PAPLN: variants seen among roughly 807,000 people sequenced by gnomAD.
PAPLN encodes papilin.
A neutral mutation model predicts 159.0 loss-of-function variants in PAPLN; 146 were observed. That is an observed-to-expected ratio of 0.92 (90% CI 0.80 to 1.05). The LOEUF (loss-of-function observed/expected upper bound fraction) is 1.05, where lower values mean the gene tolerates loss of function less well. Ranked by LOEUF, PAPLN falls within the 50% of genes least tolerant of loss-of-function variation. The pLI is 0.00. For synonymous variants in PAPLN, 734 were observed against 702.9 expected (o/e 1.04, Z -0.70); for missense variants, 1,720 against 1,743.9 (o/e 0.99, Z 0.24).
chr14:73,249,024 G>A (rs1451061776), intron 5 of PAPLN, among the ~76,000 whole-genome samples: 1 of 152,050 alleles, frequency 6.6e-6, no homozygotes, highest in Non-Finnish European at 1.5e-5. Flanking sequence ...CCAACTATTC[G>A]AGAGACTGAG....
rs1271453405 is a variant in PAPLN, at chr14:73,241,720, C to T, written c.54+1888C>T. On this transcript the variant is annotated intron_variant, in intron 2 of 26. Coordinates refer to ENST00000644200, the MANE Select transcript of PAPLN (RefSeq NM_001365906.3). The stretch of plus-strand genomic sequence containing the variant: ...TTGCTGGGGCAGGAACCACCCAGTC[C>T]GAGCACCTTCTCTGGATCACTTATG... Among the ~76,000 whole-genome samples the T allele has an allele frequency of 7.9e-5, 12 of 152,260 alleles. No homozygotes were observed. In the South Asian group the frequency reaches 8.3e-4, roughly 11 times the overall value.
At chr14:73,263,493 T>G (rs1886812496) in intron 19 of PAPLN, 152 bp from the exon 20 acceptor site, 1 of 950,048 alleles carries the variant, frequency 1.1e-6, no homozygotes, top group African/African-American at 1.6e-5. Flanking sequence ...TCCATGGGCT[T>G]CTGGGGCTCT....
At chr14:73,261,336 C>T in intron 18 of PAPLN, 42 bp downstream of exon 18, 3 of 1,597,256 alleles carry the variant, frequency 1.9e-6, no homozygotes, top group South Asian at 1.1e-5. Flanking sequence ...TGGGTAGACT[C>T]TGCTCCCACC....
At chr14:73,260,460 A>G (rs891995031) in intron 16 of PAPLN, among the ~76,000 whole-genome samples, 2 of 152,156 alleles carry the variant, frequency 1.3e-5, no homozygotes, top group African/African-American at 4.8e-5. Context: ...AGGCTCTGCC[A>G]GTTATGAGGG....
In PAPLN at chr14:73,239,783, G is replaced by T; in HGVS notation, c.5G>T (p.Arg2Leu). 1 of 1,593,068 alleles carries T rather than the reference G, an allele frequency of 6.3e-7. No individual in the cohort carries two copies. The highest frequency in any genetic ancestry group is 2.2e-5 in the East Asian group (1 of 44,552). The change falls in exon 2 of 27, where the codon CGG becomes CTG. Residue 2 changes from arginine to leucine, a missense_variant. By Grantham distance (102) the Arg-to-Leu change is moderately radical (BLOSUM62 -2). Coordinates refer to ENST00000644200, the MANE Select transcript of PAPLN (RefSeq NM_001365906.3). The stretch of plus-strand genomic sequence containing the variant: ...ATGCGTCTCCCGCAGGCTGAGATGC[G>T]GCTGCTCCTGCTCGTGCCGCTGCTG... M[R>L]LLLLVPLLLA...
chr14:73,268,673 AG>A lies in PAPLN; in HGVS notation c.3621del (p.Ser1208AlafsTer10). 1 of 1,613,744 alleles carries A rather than the reference AG, an allele frequency of 6.2e-7. No homozygotes were observed. Among genetic ancestry groups the A allele is most frequent in the Non-Finnish European group, 8.5e-7 (1 of 1,179,868 alleles). On this transcript the variant is annotated frameshift_variant, in exon 26 of 27. Transcript: ENST00000644200. LOFTEE classifies it high-confidence loss of function. ...DEGSYTCSAY[Q>X]GSQAVSRSTE... The stretch of plus-strand genomic sequence containing the variant: ...GGCTCCTACACGTGCAGTGCCTACC[AG>A]GGGAGCCAGGCAGTCAGCCGCAGCA...
At chr14:73,255,127 C>G in intron 14 of PAPLN, 109 bp downstream of exon 14, 1 of 1,406,230 alleles carries the variant, frequency 7.1e-7, no homozygotes, top group Non-Finnish European at 9.6e-7. Context: ...TGTGTCATCC[C>G]TCTGGACCCC....
chr14:73,253,731 T>C (rs758817368), intron 11 of PAPLN, 23 bp from the exon 12 acceptor site: 1 of 1,576,052 alleles, frequency 6.3e-7, no homozygotes, highest in East Asian at 2.3e-5. Context: ...GGGCCAGCCT[T>C]ACCTGATTCC....
chr14:73,268,827 G>T, intron 26 of PAPLN, 104 bp downstream of exon 26: 1 of 1,330,992 alleles, frequency 7.5e-7, no homozygotes, highest in Non-Finnish European at 9.9e-7. Flanking sequence ...TTGAATCCTG[G>T]CTCACCCTGC....
chr14:73,265,548 A>G lies in PAPLN; in HGVS notation c.3263+41A>G, dbSNP rs757279359. The G allele has an allele frequency of 1.2e-6, 2 of 1,602,778 alleles. No individual in the cohort carries two copies. Among genetic ancestry groups the G allele is most frequent in the South Asian group, 2.2e-5 (2 of 89,122 alleles). ...CTCCCCTTCCTCCTATTCTGCCTCC[A>G]GCCCCACCTTATCCTATGGAGGCCA... On this transcript the variant is annotated intron_variant, in intron 23 of 26. Coordinates refer to ENST00000644200, the MANE Select transcript of PAPLN (RefSeq NM_001365906.3). The surrounding 1 kb of genome is among the most constrained non-coding windows in gnomAD (Gnocchi z 4.1).
intron 11 of PAPLN, chr14:73,253,108 G>A (rs1256056591): frequency 7.2e-6 from 10 of 1,397,020 alleles, no homozygotes; most frequent in African/African-American, 2.9e-5. Flanking sequence ...GTGGGCCAGG[G>A]GTCAGGCCAA....
rs1167699475 is a variant in PAPLN, at chr14:73,259,573, T to TC, written c.1985+33dup. Reference sequence around the variant, plus strand: ...GGGTGCTGGAGACAGGTCTTCCTCCTCCCCCGTCAAAGAGGGAAGGTGGGA... The same window carrying TC: ...GGGTGCTGGAGACAGGTCTTCCTCCTCCCCCCGTCAAAGAGGGAAGGTGGGA... On this transcript the variant is annotated intron_variant, in intron 16 of 26. Coordinates refer to ENST00000644200, the MANE Select transcript of PAPLN (RefSeq NM_001365906.3). 2.7e-6 allele frequency: 4 copies of TC among 1,475,534 alleles called. No homozygotes were observed. The East Asian group carries it at 7.5e-5, about 28-fold the overall frequency. The allele number at this position is 1,475,534 out of a possible 1,614,324, so 91.4% of individuals were successfully genotyped here. A position where few individuals can be genotyped will look rare whatever the true frequency, so the allele number is the denominator to read the frequency against.
chr14:73,242,147 G>A (rs1883626711), intron 2 of PAPLN, among the ~76,000 whole-genome samples: 1 of 152,260 alleles, frequency 6.6e-6, no homozygotes, highest in South Asian at 2.1e-4. Flanking sequence ...TGTGGAGTGT[G>A]TGGACAGAGC....
intron 2 of PAPLN, 80 bp from the exon 3 acceptor site, chr14:73,244,564 T>A (rs1186879134): frequency 5.6e-6 from 7 of 1,246,548 alleles, no homozygotes; most frequent in Non-Finnish European, 6.9e-6. Flanking sequence ...GGGGAGGGTT[T>A]TAGGCAGAGC....
chr14:73,251,300 C>T (rs970632328), intron 7 of PAPLN, among the ~76,000 whole-genome samples, 186 bp from the exon 8 acceptor site: 2 of 152,154 alleles, frequency 1.3e-5, no homozygotes, highest in Non-Finnish European at 2.9e-5. Context: ...TGAGCCTTCC[C>T]GCCACCCTGG....
chr14:73,258,066 T>C (rs1040858357), intron 14 of PAPLN, among the ~76,000 whole-genome samples: 5 of 152,190 alleles, frequency 3.3e-5, no homozygotes, highest in Middle Eastern at 3.2e-3. Flanking sequence ...CTTCGCTCAT[T>C]ATCTAGTGTC....
In PAPLN at chr14:73,262,509, G is replaced by A. The variant is rs1291705061; in HGVS notation, c.2405G>A (p.Ser802Asn). ...TTTGCCTCGGAGCAAGAGTGCATGA[G>A]CAGCTGCCAGGGATCTCTCCATGGG... ...NNFASEQECMSSCQGSLHGPR... is the reference protein window; with the variant it reads ...NNFASEQECMNSCQGSLHGPR... The change falls in exon 19 of 27, where the codon AGC becomes AAC. Residue 802 changes from serine to asparagine, a missense_variant. Physicochemically the swap from Ser to Asn is conservative, Grantham distance 46. Transcript: ENST00000644200. 1 of 1,583,280 alleles carries A rather than the reference G, an allele frequency of 6.3e-7. No homozygotes were observed. Among genetic ancestry groups the A allele is most frequent in the Admixed American group, 1.8e-5 (1 of 54,674 alleles).
At chr14:73,253,641 T>C (rs1885559438) in intron 11 of PAPLN, 113 bp from the exon 12 acceptor site, 2 of 958,340 alleles carry the variant, frequency 2.1e-6, no homozygotes, top group African/African-American at 1.6e-5. Context: ...GCTCAGAGGA[T>C]GGGCTGGGGT....
Position 73,245,597 on chromosome 14 carries a change from G to C in PAPLN, c.171-39G>C. 3 of 1,545,536 alleles carry C rather than the reference G, an allele frequency of 1.9e-6. No individual in the cohort carries two copies. The highest frequency in any genetic ancestry group is 2.6e-6 in the Non-Finnish European group (3 of 1,144,982). On this transcript the variant is annotated intron_variant, in intron 3 of 26. Coordinates refer to ENST00000644200, the MANE Select transcript of PAPLN (RefSeq NM_001365906.3). The surrounding 1 kb of genome is among the most constrained non-coding windows in gnomAD (Gnocchi z 4.2). ...GCCCCAGAACGGGGGCAGGGACGTT[G>C]GGTCTCGGTCAGGTCTTCCCGGTGC...
Sources: gnomAD v4.1 joint callset for allele counts (sites outside exome capture counted in the v4.1 genomes callset) on GRCh38, gnomAD v4.1.1 for gene constraint, Gnocchi (gnomAD v3.1) non-coding constraint, MANE v1.5 for transcripts, NCBI Gene and HGNC (gene_info 2026-07-23, HGNC 2026-07-21) for gene names.